GPR158: variants seen among roughly 807,000 people sequenced by gnomAD.
GPR158 encodes the protein G protein-coupled receptor 158, also known as metabotropic glycine receptor.
Under a neutral mutation model 78.2 loss-of-function variants are expected in GPR158, and 30 were observed. The ratio of observed to expected loss-of-function variants is 0.38; its 90% CI spans 0.29 to 0.52. GPR158 has a LOEUF of 0.52. GPR158 is among the 20% of genes least tolerant of loss of function. GPR158 has a pLI of 0.83. For synonymous variants in GPR158, 581 were observed against 591.1 expected, an observed-to-expected ratio of 0.98 and a Z score of 0.25; for missense variants, 1,463 against 1,523.5, an observed-to-expected ratio of 0.96 and a Z score of 0.66.
At chr10:25,421,768 A>C (rs989291506) in intron 4 of GPR158, among the ~76,000 whole-genome samples, 2 of 152,176 alleles carry the variant, frequency 1.3e-5, no homozygotes, top group Admixed American at 1.3e-4. Flanking sequence ...TGAATAAAAA[A>C]TTTGGTGCTT....
chr10:25,185,087 C>T (rs1431067163), intron 1 of GPR158, among the ~76,000 whole-genome samples: 1 of 152,218 alleles, frequency 6.6e-6, no homozygotes. Flanking sequence ...AATGTGTCTG[C>T]AGACATTGCC....
chr10:25,270,441 G>A (rs1427736475), intron 2 of GPR158, among the ~76,000 whole-genome samples: 2 of 152,138 alleles, frequency 1.3e-5, no homozygotes, highest in Non-Finnish European at 2.9e-5. Flanking sequence ...AGGCATGCTT[G>A]AAGTATAAGA....
At chr10:25,300,662 T>C (rs1165266452) in intron 2 of GPR158, among the ~76,000 whole-genome samples, 1 of 152,184 alleles carries the variant, frequency 6.6e-6, no homozygotes, top group Non-Finnish European at 1.5e-5. Flanking sequence ...CTTGCTTTGC[T>C]GAAGAGATAA....
chr10:25,374,244 A>G (rs1165229268), intron 2 of GPR158, among the ~76,000 whole-genome samples: 1 of 151,386 alleles, frequency 6.6e-6, no homozygotes, highest in Non-Finnish European at 1.5e-5. Context: ...TTTATATATA[A>G]TATGTAGTTT....
At chr10:25,381,099 A>G (rs1834148279) in intron 2 of GPR158, among the ~76,000 whole-genome samples, 2 of 152,202 alleles carry the variant, frequency 1.3e-5, no homozygotes, top group Admixed American at 1.3e-4. Context: ...CGGGGCTGAA[A>G]GGGAGTGGCA....
At chr10:25,550,311 A>G (rs548902283) in intron 5 of GPR158, among the ~76,000 whole-genome samples, 1 of 152,208 alleles carries the variant, frequency 6.6e-6, no homozygotes, top group African/African-American at 2.4e-5. Flanking sequence ...TAAATGCTTA[A>G]TATTTGTTGA....
intron 4 of GPR158, among the ~76,000 whole-genome samples, chr10:25,460,446 C>G (rs749062980): frequency 1.1e-4 from 17 of 152,168 alleles, no homozygotes; most frequent in African/African-American, 3.4e-4. Flanking sequence ...CCGCCCACCT[C>G]GGCCTCCCTA....
chr10:25,240,797 T>TA (rs1853593729), intron 2 of GPR158, among the ~76,000 whole-genome samples: 2 of 152,214 alleles, frequency 1.3e-5, no homozygotes, highest in Admixed American at 6.5e-5. Context: ...TATCTATCAA[T>TA]TGGGAGTAGA....
At chr10:25,445,434 G>A (rs12263096) in intron 4 of GPR158, among the ~76,000 whole-genome samples, 26 of 152,148 alleles carry the variant, frequency 1.7e-4, no homozygotes, top group Admixed American at 1.1e-3. Context: ...AATATGAACA[G>A]CTTTAAATGT....
intron 5 of GPR158, among the ~76,000 whole-genome samples, chr10:25,539,784 T>C (rs1260095021): frequency 1.3e-5 from 2 of 152,146 alleles, no homozygotes. Flanking sequence ...TATGTGGTAA[T>C]TGTATAAATG....
At chr10:25,451,399 C>T (rs908498886) in intron 4 of GPR158, among the ~76,000 whole-genome samples, 1 of 152,128 alleles carries the variant, frequency 6.6e-6, no homozygotes, top group South Asian at 2.1e-4. Flanking sequence ...ATTTGCATTT[C>T]CCAATTACTT....
chr10:25,523,656 A>G (rs901026632), intron 5 of GPR158, among the ~76,000 whole-genome samples: 1 of 152,166 alleles, frequency 6.6e-6, no homozygotes, highest in African/African-American at 2.4e-5. Flanking sequence ...TCGGTACCCT[A>G]CTTTTTGTAA....
chr10:25,486,738 C>G (rs1402365015), intron 5 of GPR158, among the ~76,000 whole-genome samples: 2 of 151,892 alleles, frequency 1.3e-5, no homozygotes, highest in African/African-American at 4.8e-5. Flanking sequence ...TTTGCCGTAG[C>G]TTTTCAAACT....
intron 5 of GPR158, among the ~76,000 whole-genome samples, chr10:25,507,228 G>A (rs1212971245): frequency 6.6e-6 from 1 of 152,172 alleles, no homozygotes; most frequent in African/African-American, 2.4e-5. Flanking sequence ...ATTTTAAGAG[G>A]AAGAAGTGGA....
intron 2 of GPR158, among the ~76,000 whole-genome samples, chr10:25,295,649 G>A (rs994195608): frequency 3.9e-5 from 6 of 152,128 alleles, no homozygotes; most frequent in South Asian, 2.1e-4. Context: ...TTCTGACCTC[G>A]TGATCCACCC....
At chr10:25,479,808 ATTATCT>A (rs1272606905) in intron 5 of GPR158, among the ~76,000 whole-genome samples, 1 of 152,118 alleles carries the variant, frequency 6.6e-6, no homozygotes, top group Non-Finnish European at 1.5e-5. Flanking sequence ...TTTTAAAAAA[ATTATCT>A]TTATTTTTTT....
chr10:25,218,152 C>G lies in GPR158; in HGVS notation c.903-2900C>G, dbSNP rs535809262. ...ATATCCCCCAAACCTCCGCTTCCCC[C>G]CGACAGGAAGTCTACAGCGCCTTCC... is the stretch of plus-strand genomic sequence containing the variant. On this transcript the variant is annotated intron_variant, in intron 1 of 10. Coordinates refer to ENST00000376351, the MANE Select transcript of GPR158 (RefSeq NM_020752.3). Among the ~76,000 whole-genome samples, 88 of 152,204 alleles carry G rather than the reference C, an allele frequency of 5.8e-4. 1 individual carries two copies. The highest frequency in any genetic ancestry group is 1.1e-3 in the Non-Finnish European group (78 of 68,026).
intron 5 of GPR158, among the ~76,000 whole-genome samples, chr10:25,539,521 A>AT (rs35477926): frequency 0.12 from 17,451 of 141,344 alleles, 1,987 homozygotes; most frequent in East Asian, 0.45. Flanking sequence ...ACCCCTTTTA[A>AT]TTTTTTTTTT....
chr10:25,191,420 A>G (rs984151928), intron 1 of GPR158, among the ~76,000 whole-genome samples: 1 of 152,238 alleles, frequency 6.6e-6, no homozygotes, highest in Non-Finnish European at 1.5e-5. Context: ...CTGGCTGGGC[A>G]TAAAGATCAC....
Sources: allele counts gnomAD v4.1 joint callset (sites outside exome capture counted in the v4.1 genomes callset), GRCh38; gene constraint gnomAD v4.1.1; transcripts MANE v1.5; gene names NCBI Gene and HGNC (gene_info 2026-07-23, HGNC 2026-07-21).